Variants in CUX2 observed in about 807,000 individuals in gnomAD.
CUX2 encodes the protein homeobox protein cut-like 2.
Under a neutral mutation model 144.8 loss-of-function variants are expected in CUX2, and 40 were observed. That is an observed-to-expected ratio of 0.28 (90% CI 0.21 to 0.36). The LOEUF (loss-of-function observed/expected upper bound fraction) is 0.36. Among genes scored for constraint, CUX2 ranks in the 10% least tolerant of loss-of-function variants. CUX2 has a pLI of 1.00. For missense variants in CUX2, 1,615 were observed against 1,994.0 expected, an observed-to-expected ratio of 0.81 and a Z score of 3.62; for synonymous variants, 827 against 875.6, an observed-to-expected ratio of 0.94 and a Z score of 0.98.
At chr12:111,074,407 C>T (rs1035070845) in intron 1 of CUX2, among the ~76,000 whole-genome samples, 2 of 152,058 alleles carry the variant, frequency 1.3e-5, no homozygotes, top group African/African-American at 2.4e-5. Flanking sequence ...GAGGGCCACC[C>T]GCCTATTTCG....
At chr12:111,286,419 CT>C (rs973036222) in intron 4 of CUX2, among the ~76,000 whole-genome samples, 9 of 152,292 alleles carry the variant, frequency 5.9e-5, no homozygotes, top group Admixed American at 6.5e-5. Context: ...CTCTCAATAT[CT>C]TTTTTAAATC....
At chr12:111,172,674 T>C (rs1261253783) in intron 1 of CUX2, among the ~76,000 whole-genome samples, 3 of 152,204 alleles carry the variant, frequency 2.0e-5, no homozygotes. Flanking sequence ...GTTTTTCTCC[T>C]CTCTGTCCCT....
chr12:111,303,646 A>G (rs1027065552), intron 9 of CUX2, among the ~76,000 whole-genome samples: 13 of 151,942 alleles, frequency 8.6e-5, no homozygotes, highest in Admixed American at 6.6e-4. Context: ...CAAAAAAAAA[A>G]AAAAGAAAAG....
intron 4 of CUX2, among the ~76,000 whole-genome samples, chr12:111,281,547 T>G (rs1293563870): frequency 6.6e-6 from 1 of 152,184 alleles, no homozygotes; most frequent in African/African-American, 2.4e-5. Context: ...AAGGGTCTCA[T>G]TTATCTCACT....
chr12:111,173,354 G>A (rs1263196691), intron 1 of CUX2, among the ~76,000 whole-genome samples: 1 of 152,234 alleles, frequency 6.6e-6, no homozygotes, highest in African/African-American at 2.4e-5. Context: ...TGGAAAATAG[G>A]ATGCCAGGGG....
chr12:111,317,666 A>C (rs1887266195), intron 16 of CUX2, among the ~76,000 whole-genome samples: 1 of 152,134 alleles, frequency 6.6e-6, no homozygotes, highest in African/African-American at 2.4e-5. Flanking sequence ...TAAATCATAT[A>C]GTGTTTATGT....
chr12:111,201,889 C>A, intron 1 of CUX2, among the ~76,000 whole-genome samples: 1 of 152,232 alleles, frequency 6.6e-6, no homozygotes, highest in East Asian at 1.9e-4. Flanking sequence ...CAAAGCCCAG[C>A]TCTGCTTTTG....
At position 111,098,399 on chromosome 12, in the gene CUX2, CAAAA is replaced by C. The variant is rs537665407; in HGVS notation, c.63+64173_63+64176del. 1.7e-3 allele frequency among the ~76,000 whole-genome samples: 141 copies of C among 85,144 alleles called. 1 individual carries two copies. The highest frequency in any genetic ancestry group is 5.3e-3 in the African/African-American group (130 of 24,336). 55.9% of individuals were successfully genotyped at this position (85,144 alleles called of 152,430 possible). A position where few individuals can be genotyped will look rare whatever the true frequency, so the allele number is the denominator to read the frequency against. ...TGAGCGACAGAGCGAGACTTCGTCT[CAAAA>C]AAAAAAAAAAAAAGAACTGAGTGGG... On this transcript the variant is annotated intron_variant, in intron 1 of 21. Transcript: ENST00000261726.
At chr12:111,062,317 G>A (rs1870816768) in intron 1 of CUX2, among the ~76,000 whole-genome samples, 1 of 152,242 alleles carries the variant, frequency 6.6e-6, no homozygotes, top group South Asian at 2.1e-4. Context: ...CCTCCTGGTT[G>A]AGGGTCCACG....
chr12:111,217,776 C>T, intron 2 of CUX2, 114 bp from the exon 3 acceptor site: 1 of 1,098,072 alleles, frequency 9.1e-7, no homozygotes, highest in African/African-American at 1.5e-5. Flanking sequence ...AGTTCAGGCC[C>T]CACGGGACAT....
At chr12:111,339,510 T>G (rs974199465) in intron 20 of CUX2, 1 of 152,154 alleles carries the variant, frequency 6.6e-6, no homozygotes, top group African/African-American at 2.4e-5. Flanking sequence ...TATATCCTGA[T>G]AAGATAAGCT....
rs998611192 is a variant in CUX2, at chr12:111,039,784, G to C, written c.63+5544G>C. ...TGACCTCAAATGATCCACCAGCCTC[G>C]GCCTCTTAAAGTGCTGGGATTACAA... On this transcript the variant is annotated intron_variant, in intron 1 of 21. Coordinates refer to ENST00000261726, the MANE Select transcript of CUX2 (RefSeq NM_015267.4). This position sits in a 1 kb window ranked among gnomAD's most constrained non-coding sequence, Gnocchi z 4.2. Among the ~76,000 whole-genome samples, 1 of 152,110 alleles carries C rather than the reference G, an allele frequency of 6.6e-6. No homozygotes were observed. The highest frequency in any genetic ancestry group is 6.5e-5 in the Admixed American group (1 of 15,272).
Position 111,037,566 on chromosome 12 carries a change from C to T in CUX2, c.63+3326C>T, listed in dbSNP as rs886513551. Among the ~76,000 whole-genome samples the T allele has an allele frequency of 6.6e-6, 1 of 152,218 alleles. No homozygotes were observed. The highest frequency in any genetic ancestry group is 6.5e-5 in the Admixed American group (1 of 15,278). ...CCGGCACTCCTGAAACTACCTCCCC[C>T]CGTCTTTGCTTCTTTTTTGCCTTTG... On this transcript the variant is annotated intron_variant, in intron 1 of 21. Transcript: ENST00000261726. The surrounding 1 kb of genome is among the most constrained non-coding windows in gnomAD (Gnocchi z 5.4).
At chr12:111,071,976 G>T (rs1871271950) in intron 1 of CUX2, among the ~76,000 whole-genome samples, 1 of 152,108 alleles carries the variant, frequency 6.6e-6, no homozygotes, top group African/African-American at 2.4e-5. Context: ...CGATCTATTT[G>T]TCTATTCTTT....
In CUX2 at chr12:111,312,019, G is replaced by T; in HGVS notation, c.1901-81G>T. The T allele has an allele frequency of 4.9e-6, 6 of 1,227,240 alleles. No individual in the cohort carries two copies. Among genetic ancestry groups the T allele is most frequent in the Non-Finnish European group, 6.9e-6 (6 of 866,406 alleles). The allele number at this position is 1,227,240 out of a possible 1,614,324, so 76.0% of individuals were successfully genotyped here. ...GACCCTCACTCTTCTGGGAGGAGGA[G>T]ACAGCCCCCCTACCCCACCAGGCTC... On this transcript the variant is annotated intron_variant, in intron 15 of 21. Coordinates refer to ENST00000261726, the MANE Select transcript of CUX2 (RefSeq NM_015267.4). This position sits in a 1 kb window ranked among gnomAD's most constrained non-coding sequence, Gnocchi z 4.3.
At chr12:111,334,196 A>G (rs879533861) in intron 18 of CUX2, among the ~76,000 whole-genome samples, 1 of 151,754 alleles carries the variant, frequency 6.6e-6, no homozygotes, top group African/African-American at 2.4e-5. Flanking sequence ...TAAAAAAAAA[A>G]AAAAAATTGC....
intron 21 of CUX2, among the ~76,000 whole-genome samples, chr12:111,344,522 T>G (rs1049964025): frequency 6.6e-6 from 1 of 152,168 alleles, no homozygotes; most frequent in African/African-American, 2.4e-5. Context: ...ATTATTTCAT[T>G]TGGTAAATGT....
At chr12:111,175,535 T>G (rs957337310) in intron 1 of CUX2, among the ~76,000 whole-genome samples, 2 of 152,146 alleles carry the variant, frequency 1.3e-5, no homozygotes, top group African/African-American at 4.8e-5. Flanking sequence ...TTGAGTGGCC[T>G]CTCTAAGCTG....
intron 20 of CUX2, among the ~76,000 whole-genome samples, chr12:111,340,709 C>T (rs748431997): frequency 3.3e-5 from 5 of 152,344 alleles, no homozygotes; most frequent in Middle Eastern, 3.4e-3. Context: ...TTAGCTCCCA[C>T]GATTTAGCCT....
Sources: gnomAD v4.1 joint callset for allele counts (sites outside exome capture counted in the v4.1 genomes callset) on GRCh38, gnomAD v4.1.1 for gene constraint, Gnocchi (gnomAD v3.1) non-coding constraint, MANE v1.5 for transcripts, NCBI Gene and HGNC (gene_info 2026-07-23, HGNC 2026-07-21) for gene names.